Variants in MAST3 observed in about 807,000 individuals in gnomAD.
MAST3 encodes microtubule associated serine/threonine kinase 3, also known as microtubule-associated serine/threonine-protein kinase 3.
In MAST3, 43 loss-of-function variants were observed where a neutral mutation model predicts 127.0. That is an observed-to-expected ratio of 0.34 (90% CI 0.27 to 0.44). The LOEUF is 0.44. Among genes scored for constraint, MAST3 ranks in the 20% least tolerant of loss-of-function variants. The pLI is 1.00. For synonymous variants in MAST3, 785 were observed against 809.2 expected (o/e 0.97, Z 0.51); for missense variants, 1,390 against 1,919.1 (o/e 0.72, Z 5.15).
Position 18,149,172 on chromosome 19 carries a change from C to G in MAST3, c.3509-19C>G. On this transcript the variant is annotated intron_variant, in intron 27 of 27. Coordinates refer to ENST00000687212, the MANE Select transcript of MAST3 (RefSeq NM_001393504.1). This position sits in a 1 kb window ranked among gnomAD's most constrained non-coding sequence, Gnocchi z 5.9. Reference sequence around the variant, plus strand: ...GGACATTGAGGCCAGCAGCCCTGACCTACGCTTATCACCCACAGATACCAC... The same window carrying G: ...GGACATTGAGGCCAGCAGCCCTGACGTACGCTTATCACCCACAGATACCAC... 6.7e-7 allele frequency: 1 copy of G among 1,483,140 alleles called. No homozygotes were observed. Among genetic ancestry groups the G allele is most frequent in the Non-Finnish European group, 9.0e-7 (1 of 1,117,004 alleles). 91.9% of individuals were successfully genotyped at this position (1,483,140 alleles called of 1,614,324 possible). A position where few individuals can be genotyped will look rare whatever the true frequency, so the allele number is the denominator to read the frequency against.
intron 3 of MAST3, among the ~76,000 whole-genome samples, chr19:18,114,522 GT>G (rs1430521011): frequency 3.3e-5 from 5 of 152,168 alleles, no homozygotes; most frequent in African/African-American, 1.2e-4. Flanking sequence ...ATTGTCTTGT[GT>G]GATTATCCAG....
At chr19:18,130,355 G>C in intron 13 of MAST3, 139 bp from the exon 14 acceptor site, 2 of 728,028 alleles carry the variant, frequency 2.7e-6, no homozygotes, top group Non-Finnish European at 2.3e-6. Flanking sequence ...GGGGGAACAG[G>C]TAAGGAGAAT....
In MAST3 at chr19:18,121,691, C is replaced by T. The variant is rs1299677619; in HGVS notation, c.168C>T (p.Arg56=). 1 of 1,613,748 alleles carries T rather than the reference C, an allele frequency of 6.2e-7. No homozygotes were observed. The highest frequency in any genetic ancestry group is 1.3e-5 in the African/African-American group (1 of 75,066). ...TCCCCTTTTCCCCCCACAGCTGCCG[C>T]AGCGGGAACCGCAAGAGCTTGGTGG... ...PSLGLHPWSC[R]SGNRKSLVVG... is the part of the protein sequence containing the mutation. The change falls in exon 4 of 28, where the codon CGC becomes CGT. Residue 56 remains arginine, a synonymous_variant. Coordinates refer to ENST00000687212, the MANE Select transcript of MAST3 (RefSeq NM_001393504.1).
intron 1 of MAST3, among the ~76,000 whole-genome samples, chr19:18,104,148 C>T (rs1440002753): frequency 3.3e-5 from 4 of 122,980 alleles, no homozygotes; most frequent in Non-Finnish European, 6.3e-5. Flanking sequence ...CCACTGCATT[C>T]CAGTCTGGGC....
At chr19:18,132,175 C>G in intron 15 of MAST3, 128 bp downstream of exon 15, 3 of 1,296,388 alleles carry the variant, frequency 2.3e-6, no homozygotes, top group Non-Finnish European at 3.2e-6. Context: ...CCCCATCTGT[C>G]TGAGCTCTGT....
In MAST3 at chr19:18,144,690, G is replaced by A. The variant is rs374003889; in HGVS notation, c.2809G>A (p.Ala937Thr). Residue 937 changes from alanine (A) to threonine (T), a missense_variant, in exon 23 of 28, where the codon GCA becomes ACA. Coordinates refer to ENST00000687212, the MANE Select transcript of MAST3 (RefSeq NM_001393504.1). The surrounding 1 kb of genome is among the most constrained non-coding windows in gnomAD (Gnocchi z 4.0). Reference protein sequence around the residue: ...SVSALSLIITADDGSGGPLMS... With the variant: ...SVSALSLIITTDDGSGGPLMS... ...CTCTGCCCTGTCCCTCATCATCACG[G>A]CAGGTAATGCCCAAGGCCCCTCTCA... The A allele has an allele frequency of 5.6e-6, 9 of 1,606,660 alleles. No individual in the cohort carries two copies. The African/African-American group carries it at 1.1e-4, about 19-fold the overall frequency.
chr19:18,114,877 G>A (rs921011302), intron 3 of MAST3, among the ~76,000 whole-genome samples: 45 of 152,176 alleles, frequency 3.0e-4, no homozygotes, highest in African/African-American at 8.9e-4. Context: ...GCCATAGAGT[G>A]TGGTGCTGGG....
intron 1 of MAST3, chr19:18,099,023 A>G (rs2037293969): frequency 3.2e-6 from 1 of 312,896 alleles, no homozygotes. Context: ...GTATTTAGGG[A>G]AATGAAAGAG....
chr19:18,114,750 G>A (rs555092974), intron 3 of MAST3, among the ~76,000 whole-genome samples: 4 of 152,112 alleles, frequency 2.6e-5, no homozygotes, highest in Admixed American at 6.6e-5. Context: ...TGAGTTGGGC[G>A]CTCATAGGCA....
chr19:18,149,553 C>T lies in MAST3; in HGVS notation c.3871C>T (p.Arg1291Trp), dbSNP rs1208178913. 5 of 1,577,722 alleles carry T rather than the reference C, an allele frequency of 3.2e-6. No individual in the cohort carries two copies. The highest frequency in any genetic ancestry group is 1.3e-5 in the African/African-American group (1 of 74,170). ...GPEAELVVMR[R>W]LHLSERRDSF... Reference sequence around the variant, plus strand: ...AGAGGCCGAGCTCGTGGTCATGCGGCGGCTGCACCTGTCCGAGCGCCGAGA... The same window carrying T: ...AGAGGCCGAGCTCGTGGTCATGCGGTGGCTGCACCTGTCCGAGCGCCGAGA... The change falls in exon 28 of 28, where the codon CGG (arginine) becomes TGG (tryptophan). Residue 1291 changes from arginine to tryptophan, a missense_variant. This residue lies in a region of MAST3 where 816 missense variants were observed against 934.1 expected (regional missense o/e 0.87). Transcript: ENST00000687212. This position sits in a 1 kb window ranked among gnomAD's most constrained non-coding sequence, Gnocchi z 5.9.
intron 1 of MAST3, among the ~76,000 whole-genome samples, chr19:18,104,178 T>TGAAAAAA (rs2037869732): frequency 1.7e-5 from 1 of 59,906 alleles, no homozygotes; most frequent in Non-Finnish European, 2.7e-5. Flanking sequence ...AGACGCTGTC[T>TGAAAAAA]CAAAAAAAAA....
intron 11 of MAST3, among the ~76,000 whole-genome samples, chr19:18,127,318 C>T (rs994185108): frequency 4.0e-5 from 6 of 151,794 alleles, no homozygotes; most frequent in Non-Finnish European, 8.8e-5. Flanking sequence ...GAGGCCAAGG[C>T]GGGCAGATCA....
chr19:18,112,307 G>A lies in MAST3; in HGVS notation c.161+1566G>A, dbSNP rs992646582. Among the ~76,000 whole-genome samples, 6 of 152,198 alleles carry A rather than the reference G, an allele frequency of 3.9e-5. No individual in the cohort carries two copies. Among genetic ancestry groups the A allele is most frequent in the South Asian group, 2.1e-4 (1 of 4,820 alleles). On this transcript the variant is annotated intron_variant, in intron 3 of 27. Coordinates refer to ENST00000687212, the MANE Select transcript of MAST3 (RefSeq NM_001393504.1). The surrounding 1 kb of genome is among the most constrained non-coding windows in gnomAD (Gnocchi z 4.1). The stretch of plus-strand genomic sequence containing the variant: ...GCTCCGAGTAGCGGAGACTACAGGC[G>A]TGCCACCACGCCCGGCTAATTTTTT...
chr19:18,129,786 G>A (rs527813935), intron 13 of MAST3, among the ~76,000 whole-genome samples: 70 of 151,876 alleles, frequency 4.6e-4, no homozygotes, highest in African/African-American at 1.4e-3. Context: ...TTAACTGGGC[G>A]TAATGGCACA....
In MAST3 at chr19:18,131,966, G is replaced by A. The variant is rs747865995; in HGVS notation, c.1490G>A (p.Arg497His). ...NMGPLPVDMARLYFAETVLAL... is the reference protein window; with the variant it reads ...NMGPLPVDMAHLYFAETVLAL... The stretch of plus-strand genomic sequence containing the variant: ...GGCCCGCTGCCCGTGGACATGGCCC[G>A]CCTGTACTTCGCCGAGACGGTGTTG... The change falls in exon 15 of 28, where the codon CGC becomes CAC. Residue 497 changes from arginine (R) to histidine (H), a missense_variant. Arg to His is a conservative substitution (Grantham distance 29). This residue lies in a region of MAST3 where 191 missense variants were observed against 409.0 expected (regional missense o/e 0.47). Coordinates refer to ENST00000687212, the MANE Select transcript of MAST3 (RefSeq NM_001393504.1). 3.7e-6 allele frequency: 6 copies of A among 1,613,770 alleles called. No individual in the cohort carries two copies. Among genetic ancestry groups the A allele is most frequent in the Non-Finnish European group, 4.2e-6 (5 of 1,179,886 alleles).
intron 3 of MAST3, among the ~76,000 whole-genome samples, chr19:18,111,141 C>G (rs2038558465): frequency 6.6e-6 from 1 of 152,052 alleles, no homozygotes; most frequent in Non-Finnish European, 1.5e-5. Flanking sequence ...CAACGAGAGC[C>G]CTGTGAATTG....
chr19:18,131,550 T>C lies in MAST3; in HGVS notation c.1433-359T>C, dbSNP rs2041282529. On this transcript the variant is annotated intron_variant, in intron 14 of 27. Transcript: ENST00000687212. The stretch of plus-strand genomic sequence containing the variant: ...CCCATCTCTACTAAGAATACAAAAA[T>C]TAGCTGGGTGTGGTGGTGTGCGCCT... 1.5e-5 allele frequency among the ~76,000 whole-genome samples: 2 copies of C among 135,004 alleles called. 1 individual carries two copies. The highest frequency in any genetic ancestry group is 3.3e-5 in the Non-Finnish European group (2 of 61,208). 88.6% of individuals were successfully genotyped at this position (135,004 alleles called of 152,430 possible).
Position 18,128,384 on chromosome 19 carries a change from C to A in MAST3, c.1079-16C>A. On this transcript the variant is annotated splice_polypyrimidine_tract_variant and intron_variant, in intron 11 of 27. Transcript: ENST00000687212. ...GGCAGGGAGGCTCCAGCTGAGCCTC[C>A]TCCCTCATCTTGCAGAGATGGTGCC... 6.5e-7 allele frequency: 1 copy of A among 1,544,216 alleles called. No individual in the cohort carries two copies.
Position 18,144,538 on chromosome 19 carries a change from C to G in MAST3, c.2657C>G (p.Pro886Arg). Reference protein sequence around the residue: ...SIGARHSTPRPLDAGRGRRLG... With the variant: ...SIGARHSTPRRLDAGRGRRLG... ...GGCGCCCGACACTCCACACCAAGGC[C>G]TCTGGATGCCGGCCGGGGCCGCCGC... The change falls in exon 23 of 28, where the codon CCT becomes CGT. Residue 886 changes from proline to arginine, a missense_variant. Around this residue, in one of 5 missense-constraint regions of MAST3, gnomAD observed 816 missense variants for 934.1 expected, o/e 0.87. Coordinates refer to ENST00000687212, the MANE Select transcript of MAST3 (RefSeq NM_001393504.1). The surrounding 1 kb of genome is among the most constrained non-coding windows in gnomAD (Gnocchi z 4.0). 1 of 1,610,874 alleles carries G rather than the reference C, an allele frequency of 6.2e-7. No homozygotes were observed.
Sources: allele counts gnomAD v4.1 joint callset (sites outside exome capture counted in the v4.1 genomes callset), GRCh38; gene constraint gnomAD v4.1.1; regional missense constraint gnomAD v4.1.1; non-coding constraint Gnocchi (gnomAD v3.1); transcripts MANE v1.5; gene names NCBI Gene and HGNC (gene_info 2026-07-23, HGNC 2026-07-21).